GHR: variants seen among roughly 807,000 people sequenced by gnomAD.
The protein encoded by GHR is growth hormone receptor.
Under a neutral mutation model 67.1 loss-of-function variants are expected in GHR, and 35 were observed. The observed-to-expected ratio is 0.52, with a 90% CI of 0.40 to 0.69. GHR has a LOEUF of 0.69. GHR is among the 30% of genes least tolerant of loss of function. The pLI, the probability that GHR is intolerant of heterozygous loss-of-function variation, is 0.00. For missense variants in GHR, 792 were observed against 764.6 expected (o/e 1.04, Z -0.42); for synonymous variants, 272 against 269.1 (o/e 1.01, Z -0.10).
chr5:42,565,820 G>A, intron 1 of GHR, 44 bp from the exon 2 acceptor site: 1 of 1,613,726 alleles, frequency 6.2e-7, no homozygotes, highest in Admixed American at 1.7e-5. Flanking sequence ...ATAATGGTCT[G>A]CTTTTAATTG....
intron 3 of GHR, among the ~76,000 whole-genome samples, chr5:42,654,574 G>A (rs192212734): frequency 9.3e-4 from 141 of 152,172 alleles, no homozygotes; most frequent in Non-Finnish European, 1.6e-3. Context: ...CAGAGCCTCT[G>A]ATCTTGTCTT....
chr5:42,467,934 C>A lies in GHR; in HGVS notation c.-12+43979C>A, dbSNP rs146264062. The A allele has an allele frequency of 5.1e-3, 3,723 of 727,794 alleles. 16 individuals are homozygous for A. The highest frequency in any genetic ancestry group is 6.0e-3 in the Non-Finnish European group (2,479 of 415,380). The allele number at this position is 727,794 out of a possible 1,614,324, so 45.1% of individuals were successfully genotyped here. On this transcript the variant is annotated intron_variant, in intron 1 of 9. Coordinates refer to ENST00000230882, the MANE Select transcript of GHR (RefSeq NM_000163.5). ...CTTTCAGGTAAGTGACAGTCATTCACTATGACTTATCTGAAATCTTTCCTT... is the reference window on the plus strand; with the variant it reads ...CTTTCAGGTAAGTGACAGTCATTCAATATGACTTATCTGAAATCTTTCCTT...
At chr5:42,468,946 A>G in intron 1 of GHR, 1 of 441,582 alleles carries the variant, frequency 2.3e-6, no homozygotes, top group East Asian at 3.7e-5. Flanking sequence ...AGCTCTTCCC[A>G]GAAGATCGAA....
chr5:42,696,018 A>G (rs1757656039), intron 5 of GHR, among the ~76,000 whole-genome samples: 2 of 152,264 alleles, frequency 1.3e-5, no homozygotes, highest in Admixed American at 1.3e-4. Flanking sequence ...AGCAGTAAAG[A>G]TAACCCAATT....
At chr5:42,685,139 T>A (rs192057247) in intron 3 of GHR, among the ~76,000 whole-genome samples, 32 of 152,186 alleles carry the variant, frequency 2.1e-4, no homozygotes, top group Admixed American at 4.6e-4. Context: ...TTCCCCTCCC[T>A]GTGTATGTGT....
At chr5:42,636,718 C>T (rs561145147) in intron 3 of GHR, among the ~76,000 whole-genome samples, 1 of 152,200 alleles carries the variant, frequency 6.6e-6, no homozygotes, top group South Asian at 2.1e-4. Flanking sequence ...TTAGGTGTAA[C>T]CAGACTTTAA....
chr5:42,468,665 C>A, intron 1 of GHR: 1 of 1,020,440 alleles, frequency 9.8e-7, no homozygotes, highest in Non-Finnish European at 1.5e-6. Flanking sequence ...GCGCAGCTAG[C>A]TATTTGCCTG....
chr5:42,466,827 G>A (rs1744753928), intron 1 of GHR: 2 of 1,188,322 alleles, frequency 1.7e-6, no homozygotes, highest in Non-Finnish European at 1.1e-6. Context: ...GCAAAGAGGT[G>A]TCTCATTTGG....
intron 2 of GHR, among the ~76,000 whole-genome samples, chr5:42,598,314 T>G (rs1210570188): frequency 6.6e-6 from 1 of 152,176 alleles, no homozygotes; most frequent in African/African-American, 2.4e-5. Context: ...AGTTTCCAAT[T>G]TTTCCTTTCA....
chr5:42,660,112 G>T (rs541364011), intron 3 of GHR, among the ~76,000 whole-genome samples: 3 of 152,174 alleles, frequency 2.0e-5, no homozygotes, highest in Non-Finnish European at 4.4e-5. Flanking sequence ...CGGGAATCTC[G>T]AACTGGGTGG....
chr5:42,681,050 G>A (rs1158882126), intron 3 of GHR, among the ~76,000 whole-genome samples: 6 of 151,788 alleles, frequency 4.0e-5, no homozygotes, highest in Non-Finnish European at 5.9e-5. Context: ...AATAGGCATG[G>A]GCAAAGACTT....
intron 2 of GHR, among the ~76,000 whole-genome samples, chr5:42,583,003 G>A (rs569746632): frequency 1.2e-4 from 19 of 152,148 alleles, no homozygotes; most frequent in Non-Finnish European, 1.9e-4. Flanking sequence ...GGCTGGTAGC[G>A]CAACCCGAGC....
At chr5:42,662,758 A>G (rs1755718798) in intron 3 of GHR, among the ~76,000 whole-genome samples, 1 of 152,236 alleles carries the variant, frequency 6.6e-6, no homozygotes, top group Admixed American at 6.5e-5. Flanking sequence ...CTAAGATCAG[A>G]GCAGAACTGA....
chr5:42,474,342 G>GAAAGAAAGA (rs1345109121), intron 1 of GHR, among the ~76,000 whole-genome samples: 1 of 127,748 alleles, frequency 7.8e-6, no homozygotes, highest in South Asian at 2.7e-4. Flanking sequence ...AGAAAGAAAA[G>GAAAGAAAGA]AAATAAAGAA....
At chr5:42,590,773 T>C (rs1751733903) in intron 2 of GHR, among the ~76,000 whole-genome samples, 1 of 152,204 alleles carries the variant, frequency 6.6e-6, no homozygotes, top group African/African-American at 2.4e-5. Context: ...TTTGAATGGA[T>C]CTTCAGGCTC....
chr5:42,475,201 T>C (rs1269543823), intron 1 of GHR, among the ~76,000 whole-genome samples: 3 of 152,104 alleles, frequency 2.0e-5, no homozygotes, highest in Non-Finnish European at 4.4e-5. Flanking sequence ...TAACTATCCC[T>C]CCTGTGAAAA....
chr5:42,717,986 C>A (rs1040229994), intron 8 of GHR, 66 bp from the exon 9 acceptor site: 19 of 793,848 alleles, frequency 2.4e-5, no homozygotes, highest in Admixed American at 6.9e-5. Flanking sequence ...TTATTTCTAT[C>A]TTTTGCTATA....
intron 3 of GHR, among the ~76,000 whole-genome samples, chr5:42,634,207 A>G (rs1754059787): frequency 6.6e-6 from 1 of 152,060 alleles, no homozygotes. Context: ...AAGTGTTGAT[A>G]TATTTAAAGT....
intron 2 of GHR, among the ~76,000 whole-genome samples, chr5:42,613,190 G>A (rs1286599113): frequency 6.6e-6 from 1 of 152,086 alleles, no homozygotes; most frequent in East Asian, 1.9e-4. Flanking sequence ...GCTTTCCTAA[G>A]CTGTTCTAAC....
Sources: allele counts gnomAD v4.1 joint callset (sites outside exome capture counted in the v4.1 genomes callset), GRCh38; gene constraint gnomAD v4.1.1; transcripts MANE v1.5; gene names NCBI Gene and HGNC (gene_info 2026-07-23, HGNC 2026-07-21).